The following UBA52 variants were observed in gnomAD, a reference collection of about 807,000 sequenced individuals.
The protein encoded by UBA52 is ubiquitin-ribosomal protein eL40 fusion protein.
In UBA52, 1 loss-of-function variant was observed where a neutral mutation model predicts 15.3. That is an observed-to-expected ratio of 0.07 (90% CI 0.02 to 0.31). UBA52 has a LOEUF of 0.31. Ranked by LOEUF, UBA52 falls within the 10% of genes least tolerant of loss-of-function variation. The probability of loss-of-function intolerance (pLI) is 1.00; values close to 1 mark genes in which losing one functional copy is unlikely to be tolerated. For missense variants in UBA52, 87 were observed against 168.0 expected (o/e 0.52, Z 2.66); for synonymous variants, 50 against 58.3 (o/e 0.86, Z 0.65).
At chr19:18,570,540 TCTCA>T (rs1469347699), upstream of UBA52, among the ~76,000 whole-genome samples, 1 of 114,958 alleles carries the variant, frequency 8.7e-6, no homozygotes, top group Non-Finnish European at 1.7e-5. Flanking sequence ...TGAGATGGAG[TCTCA>T]CTCTGTCACC....
intron 4 of UBA52, 24 bp from the exon 5 acceptor site, chr19:18,575,033 C>T (rs567311028): frequency 2.2e-5 from 35 of 1,614,202 alleles, no homozygotes; most frequent in Middle Eastern, 1.6e-4. Flanking sequence ...TATGCCCTCA[C>T]CCACCCCTCC....
At chr19:18,574,663 C>T (rs763855132) in intron 3 of UBA52, among the ~76,000 whole-genome samples, 25 of 152,206 alleles carry the variant, frequency 1.6e-4, no homozygotes, top group Non-Finnish European at 2.2e-4. Context: ...CCCCCCAGGG[C>T]TCGTGGTCAG....
chr19:18,567,373 C>T (rs2286328), upstream of UBA52: 125 of 652,470 alleles, frequency 1.9e-4, no homozygotes, highest in East Asian at 3.0e-3. Flanking sequence ...GGCACTAGGA[C>T]GGGAGTCCGT....
upstream of UBA52, among the ~76,000 whole-genome samples, chr19:18,567,804 G>A (rs1975325132): frequency 6.6e-6 from 1 of 152,230 alleles, no homozygotes; most frequent in African/African-American, 2.4e-5. Context: ...ACAGAGCAGG[G>A]AGCTGGGCTG....
rs890137658 is a variant in UBA52, at chr19:18,576,451, C to T, written c.*1301C>T. Reference sequence around the variant, plus strand: ...TAAAATTTTGAGACAGTCTCACTGTCACCCAGGTTGGGGTGCAGTGGTAGG... The same window carrying T: ...TAAAATTTTGAGACAGTCTCACTGTTACCCAGGTTGGGGTGCAGTGGTAGG... On this transcript the variant is annotated 3_prime_UTR_variant, in exon 5 of 5. Transcript: ENST00000442744. 1 of 152,128 alleles carries T rather than the reference C, an allele frequency of 6.6e-6. No individual in the cohort carries two copies. Among genetic ancestry groups the T allele is most frequent in the Non-Finnish European group, 1.5e-5 (1 of 68,036 alleles). 9.4% of individuals were successfully genotyped at this position (152,128 alleles called of 1,614,324 possible). A position where few individuals can be genotyped will look rare whatever the true frequency, so the allele number is the denominator to read the frequency against.
At chr19:18,571,480 C>T (rs907415490), upstream of UBA52, among the ~76,000 whole-genome samples, 1 of 152,214 alleles carries the variant, frequency 6.6e-6, no homozygotes, top group African/African-American at 2.4e-5. Context: ...GTGTTAGGTG[C>T]TTTCCCAGCC....
upstream of UBA52, among the ~76,000 whole-genome samples, chr19:18,567,576 G>T (rs1486522842): frequency 1.3e-5 from 2 of 152,234 alleles, no homozygotes; most frequent in Non-Finnish European, 2.9e-5. Context: ...CACCCATGGG[G>T]TGGGGACTGT....
upstream of UBA52, among the ~76,000 whole-genome samples, chr19:18,570,845 G>C (rs41292097): frequency 7.8e-4 from 118 of 151,402 alleles, 1 homozygote; most frequent in African/African-American, 2.6e-3. Context: ...GCGCCACCAC[G>C]CCCAGCTAAT....
Position 18,574,866 on chromosome 19 carries a change from G to T in UBA52, c.191-4G>T, listed in dbSNP as rs1975706256. ...GTCGCCGTCCTTCTGGCTGTCTCCT[G>T]CAGAGTCCACCCTGCACCTGGTGTT... On this transcript the variant is annotated splice_region_variant and splice_polypyrimidine_tract_variant and intron_variant, in intron 3 of 4. Coordinates refer to ENST00000442744, the MANE Select transcript of UBA52 (RefSeq NM_001033930.3). 1.2e-6 allele frequency: 2 copies of T among 1,613,018 alleles called. No homozygotes were observed. The highest frequency in any genetic ancestry group is 1.7e-5 in the Admixed American group (1 of 60,020).
At chr19:18,564,812 G>C in the UBA52 span, 1 of 1,600,032 alleles carries the variant, frequency 6.2e-7, no homozygotes, top group South Asian at 1.1e-5. Context: ...TTCTGGGCCA[G>C]GTTGGGCAGG....
the UBA52 span, among the ~76,000 whole-genome samples, chr19:18,565,423 G>T: frequency 6.6e-6 from 1 of 152,104 alleles, no homozygotes; most frequent in Non-Finnish European, 1.5e-5. Context: ...TGGAGATGGG[G>T]TTTCACCGTG....
chr19:18,567,018 G>A (rs373770728), upstream of UBA52: 1 of 857,208 alleles, frequency 1.2e-6, no homozygotes, highest in Admixed American at 2.0e-5. Context: ...CAGTGTGGGG[G>A]TTCTCACTCC....
At chr19:18,568,985 C>T (rs569921887), upstream of UBA52, 44 of 297,020 alleles carry the variant, frequency 1.5e-4, 1 homozygote, top group South Asian at 1.8e-3. Context: ...GCCAGATGTC[C>T]CCCACCACCG....
At chr19:18,568,395 C>T (rs369516964), upstream of UBA52, 26 of 1,607,958 alleles carry the variant, frequency 1.6e-5, no homozygotes, top group South Asian at 3.3e-5. Flanking sequence ...GGGCCTCCTT[C>T]CCCCAGATAT....
chr19:18,566,361 G>A, the UBA52 span, among the ~76,000 whole-genome samples: 6 of 151,246 alleles, frequency 4.0e-5, 1 homozygote, highest in Non-Finnish European at 7.4e-5. Flanking sequence ...CCAGCTACTC[G>A]GGAGGCTGAG....
rs953615982 is a variant in UBA52, at chr19:18,577,192, C to T, written c.*2042C>T. The T allele has an allele frequency of 2.6e-5, 4 of 151,962 alleles. No homozygotes were observed. Among genetic ancestry groups the T allele is most frequent in the African/African-American group, 9.7e-5 (4 of 41,354 alleles). The allele number at this position is 151,962 out of a possible 1,614,324, so 9.4% of individuals were successfully genotyped here. A position where few individuals can be genotyped will look rare whatever the true frequency, so the allele number is the denominator to read the frequency against. ...CTAATGAGGGGTGGAGTTGGCGGGA[C>T]TTCCTGGGCCAGTTTGGGGACTTTC... is the stretch of plus-strand genomic sequence containing the variant. On this transcript the variant is annotated 3_prime_UTR_variant, in exon 5 of 5. Transcript: ENST00000442744.
rs1339381457 is a variant in UBA52 at position 18,575,444 on chromosome 19, TTGG to T, written c.*298_*300del. The T allele has an allele frequency of 7.1e-6, 3 of 421,560 alleles. No individual in the cohort carries two copies. Among genetic ancestry groups the T allele is most frequent in the Non-Finnish European group, 1.3e-5 (3 of 226,530 alleles). The allele number at this position is 421,560 out of a possible 1,614,324, so 26.1% of individuals were successfully genotyped here. A position where few individuals can be genotyped will look rare whatever the true frequency, so the allele number is the denominator to read the frequency against. On this transcript the variant is annotated 3_prime_UTR_variant, in exon 5 of 5. Coordinates refer to ENST00000442744, the MANE Select transcript of UBA52 (RefSeq NM_001033930.3). ...TGGAGTAAAAACCTCAGTCGTGTAA[TTGG>T]TGGGACTGAGGATCAGTTTTGTCAT... is the stretch of plus-strand genomic sequence containing the variant.
chr19:18,565,090 C>G, the UBA52 span: 5 of 1,579,594 alleles, frequency 3.2e-6, no homozygotes, highest in Non-Finnish European at 4.3e-6. Context: ...CCTCAGTTTC[C>G]TTCACATACC....
Position 18,575,095 on chromosome 19 carries a change from G to A in UBA52, c.332G>A (p.Arg111His), listed in dbSNP as rs369782459. ...CTTCACCCTCGTGCTGTCAACTGCC[G>A]CAAGAAGAAGTGTGGTCACACCAAC... ...ARLHPRAVNC[R>H]KKKCGHTNNL... is the part of the protein sequence containing the mutation. The change falls in exon 5 of 5, where the codon CGC becomes CAC. Residue 111 changes from arginine (R) to histidine (H), a missense_variant. Arg to His is a conservative substitution (Grantham distance 29). Transcript: ENST00000442744. 3.7e-6 allele frequency: 6 copies of A among 1,614,060 alleles called. No homozygotes were observed. The highest frequency in any genetic ancestry group is 5.1e-6 in the Non-Finnish European group (6 of 1,180,048).
Sources: allele counts gnomAD v4.1 joint callset (sites outside exome capture counted in the v4.1 genomes callset), GRCh38; gene constraint gnomAD v4.1.1; transcripts MANE v1.5; gene names NCBI Gene and HGNC (gene_info 2026-07-23, HGNC 2026-07-21).